Variants in TMEM132D observed in about 807,000 individuals in gnomAD.
The protein encoded by TMEM132D is transmembrane protein 132D.
A neutral mutation model predicts 62.3 loss-of-function variants in TMEM132D; 21 were observed. The ratio of observed to expected loss-of-function variants is 0.34; its 90% CI spans 0.24 to 0.49. The LOEUF (loss-of-function observed/expected upper bound fraction) is 0.49, where lower values mean the gene tolerates loss of function less well. Ranked by LOEUF, TMEM132D falls within the 20% of genes least tolerant of loss-of-function variation. TMEM132D has a pLI of 0.99. For synonymous variants in TMEM132D, 621 were observed against 575.6 expected (o/e 1.08, Z -1.13); for missense variants, 1,346 against 1,402.8 (o/e 0.96, Z 0.65).
chr12:129,422,835 A>C (rs1306935643), intron 3 of TMEM132D, among the ~76,000 whole-genome samples: 2 of 150,162 alleles, frequency 1.3e-5, no homozygotes, highest in African/African-American at 4.9e-5. Flanking sequence ...AGGTATTTCA[A>C]AGAGAAAGAA....
At chr12:129,109,707 T>A (rs540078785) in intron 5 of TMEM132D, 42 of 163,908 alleles carry the variant, frequency 2.6e-4, no homozygotes, top group Admixed American at 1.1e-3. Flanking sequence ...ACGTGAGAAG[T>A]GCCTTTCGCC....
At chr12:129,311,256 C>A (rs1428977318) in intron 4 of TMEM132D, among the ~76,000 whole-genome samples, 1 of 117,224 alleles carries the variant, frequency 8.5e-6, no homozygotes, top group Non-Finnish European at 1.9e-5. Flanking sequence ...AGAAAGTGAT[C>A]AAAAAAACTG....
At chr12:129,897,253 G>A (rs543187405) in intron 1 of TMEM132D, among the ~76,000 whole-genome samples, 1 of 152,228 alleles carries the variant, frequency 6.6e-6, no homozygotes, top group Non-Finnish European at 1.5e-5. Context: ...CAAGTGTGCT[G>A]TCTGGCGTCA....
intron 1 of TMEM132D, among the ~76,000 whole-genome samples, chr12:129,755,148 T>C (rs769234237): frequency 6.6e-6 from 1 of 152,234 alleles, no homozygotes; most frequent in Non-Finnish European, 1.5e-5. Context: ...TGAAGCCACA[T>C]GCTAACTTGT....
At chr12:129,168,751 G>T (rs73416597) in intron 5 of TMEM132D, among the ~76,000 whole-genome samples, 138 of 152,270 alleles carry the variant, frequency 9.1e-4, no homozygotes, top group African/African-American at 3.3e-3. Context: ...GATGCTGGTG[G>T]TATCTCATCT....
chr12:129,302,644 T>C (rs1275250392), intron 4 of TMEM132D, among the ~76,000 whole-genome samples: 1 of 152,206 alleles, frequency 6.6e-6, no homozygotes, highest in African/African-American at 2.4e-5. Flanking sequence ...TTCCTTTTTC[T>C]CCAGGACCAG....
intron 3 of TMEM132D, among the ~76,000 whole-genome samples, chr12:129,349,775 G>A (rs745610844): frequency 5.3e-5 from 8 of 152,102 alleles, no homozygotes; most frequent in African/African-American, 7.2e-5. Flanking sequence ...TTTCCTATCC[G>A]GTCTGAAAAG....
intron 2 of TMEM132D, among the ~76,000 whole-genome samples, chr12:129,623,734 TACATATATATAC>T (rs199995852): frequency 0.014 from 1,936 of 140,098 alleles, 47 homozygotes; most frequent in African/African-American, 0.049. Context: ...CATACATATA[TACATATATATAC>T]ACATATATAT....
rs1488503458 is a variant in TMEM132D, at chr12:129,166,680, T to TACACAC, written c.1443+42839_1443+42840insGTGTGT. On this transcript the variant is annotated intron_variant, in intron 5 of 8. Transcript: ENST00000422113. ...TCCTGGGACTACGCAAGGACATATATATACACATACACACACACACACACA... is the reference window on the plus strand; with the variant it reads ...TCCTGGGACTACGCAAGGACATATATACACACATACACATACACACACACACACACA... Among the ~76,000 whole-genome samples, 8 of 76,300 alleles carry TACACAC rather than the reference T, an allele frequency of 1.0e-4. 1 individual carries two copies. The highest frequency in any genetic ancestry group is 8.3e-4 in the South Asian group (2 of 2,402). The allele number at this position is 76,300 out of a possible 152,430, so 50.1% of individuals were successfully genotyped here.
chr12:129,162,687 T>C (rs1458122938), intron 5 of TMEM132D, among the ~76,000 whole-genome samples: 1 of 152,052 alleles, frequency 6.6e-6, no homozygotes, highest in Non-Finnish European at 1.5e-5. Context: ...CCGACTCTCG[T>C]TCCTGATTTT....
chr12:129,332,618 A>C (rs1327606652), intron 4 of TMEM132D, among the ~76,000 whole-genome samples: 2 of 152,194 alleles, frequency 1.3e-5, no homozygotes, highest in Non-Finnish European at 2.9e-5. Flanking sequence ...TTAATATTTG[A>C]GATTTTATGC....
At chr12:129,403,251 C>T (rs921834443) in intron 3 of TMEM132D, among the ~76,000 whole-genome samples, 6 of 147,626 alleles carry the variant, frequency 4.1e-5, no homozygotes, top group Non-Finnish European at 8.9e-5. Context: ...TGCTCCAGCC[C>T]GCGGAGGTTA....
intron 4 of TMEM132D, among the ~76,000 whole-genome samples, chr12:129,229,267 A>G (rs1350242244): frequency 6.6e-6 from 1 of 152,242 alleles, no homozygotes; most frequent in Admixed American, 6.5e-5. Context: ...AGTCTCCTTG[A>G]TAAGAAAAGT....
At chr12:129,290,391 C>G (rs563445166) in intron 4 of TMEM132D, among the ~76,000 whole-genome samples, 1 of 152,160 alleles carries the variant, frequency 6.6e-6, no homozygotes, top group Admixed American at 6.5e-5. Flanking sequence ...AACAGGTTAT[C>G]GAAGCATAAC....
intron 3 of TMEM132D, among the ~76,000 whole-genome samples, chr12:129,449,861 T>C (rs933691913): frequency 4.6e-5 from 7 of 152,188 alleles, no homozygotes; most frequent in African/African-American, 1.4e-4. Context: ...TATGGATATG[T>C]TGGATCAGTT....
chr12:129,271,035 T>A (rs529654884), intron 4 of TMEM132D, among the ~76,000 whole-genome samples: 1 of 152,352 alleles, frequency 6.6e-6, no homozygotes, highest in South Asian at 2.1e-4. Context: ...CAGAGTAACA[T>A]AATAACGTTT....
intron 2 of TMEM132D, among the ~76,000 whole-genome samples, chr12:129,601,644 G>T (rs1225792844): frequency 6.6e-6 from 1 of 152,110 alleles, no homozygotes; most frequent in Non-Finnish European, 1.5e-5. Context: ...ATATTTTTGT[G>T]TCTCAGAGAA....
chr12:129,430,921 G>A (rs530524791), intron 3 of TMEM132D, among the ~76,000 whole-genome samples: 169 of 152,212 alleles, frequency 1.1e-3, no homozygotes, highest in African/African-American at 4.0e-3. Context: ...AACCAAATTA[G>A]TTGGATACCA....
intron 1 of TMEM132D, among the ~76,000 whole-genome samples, chr12:129,734,699 A>C (rs1391564286): frequency 2.0e-5 from 3 of 152,222 alleles, no homozygotes; most frequent in African/African-American, 7.2e-5. Context: ...TAATTTAAAA[A>C]ATTAATAAAT....
Sources: allele counts gnomAD v4.1 joint callset (sites outside exome capture counted in the v4.1 genomes callset), GRCh38; gene constraint gnomAD v4.1.1; transcripts MANE v1.5; gene names NCBI Gene and HGNC (gene_info 2026-07-23, HGNC 2026-07-21).